The following CLIP4 variants were observed in gnomAD, a reference collection of about 807,000 sequenced individuals.
CLIP4 encodes CAP-Gly domain containing linker protein family member 4, also known as CAP-Gly domain-containing linker protein 4.
In CLIP4, 47 loss-of-function variants were observed where a neutral mutation model predicts 73.1. The observed-to-expected ratio is 0.64, with a 90% CI of 0.51 to 0.82. CLIP4 has a LOEUF of 0.82. CLIP4 is among the 40% of genes least tolerant of loss of function. The pLI is 0.00. For synonymous variants in CLIP4, 306 were observed against 295.4 expected (o/e 1.04, Z -0.37); for missense variants, 874 against 852.9 (o/e 1.02, Z -0.31).
rs140458378 is a variant in CLIP4, at chr2:29,131,383, A to G, written c.259A>G (p.Ile87Val). 293 of 1,598,340 alleles carry G rather than the reference A, an allele frequency of 1.8e-4. No individual in the cohort carries two copies. The highest frequency in any genetic ancestry group is 2.3e-4 in the Non-Finnish European group (276 of 1,175,010). ...TCCTCAGGTCCAACAAAACATTGAC[A>G]TTATTGGAAATGAGGTAAGGAATTC... The part of the protein sequence containing the change: ...WVPQVQQNID[I>V]IGNEILKRGC... Residue 87 changes from isoleucine (I) to valine (V), a missense_variant, in exon 3 of 16, where the codon ATT becomes GTT. Transcript: ENST00000320081.
At chr2:29,126,592 AGG>A (rs1159649663) in intron 2 of CLIP4, among the ~76,000 whole-genome samples, 1 of 152,256 alleles carries the variant, frequency 6.6e-6, no homozygotes, top group African/African-American at 2.4e-5. Context: ...TCTGGAAGGC[AGG>A]GCATTAAGAA....
chr2:29,160,273 C>G, intron 11 of CLIP4, 60 bp from the exon 12 acceptor site: 1 of 1,610,374 alleles, frequency 6.2e-7, no homozygotes, highest in Non-Finnish European at 8.5e-7. Flanking sequence ...GAGTTTTTCT[C>G]CCTTTGTTTT....
chr2:29,158,491 A>G (rs914197543), intron 11 of CLIP4, among the ~76,000 whole-genome samples: 1 of 152,292 alleles, frequency 6.6e-6, no homozygotes, highest in African/African-American at 2.4e-5. Context: ...GAGTTATCAG[A>G]GTGAGAAAGA....
intron 14 of CLIP4, among the ~76,000 whole-genome samples, chr2:29,168,513 T>C (rs144704814): frequency 1.0e-4 from 3 of 28,702 alleles, no homozygotes; most frequent in African/African-American, 1.9e-4. Flanking sequence ...TGGTTTGCCC[T>C]TTTTTTTTTT....
At chr2:29,147,225 AG>A (rs200565651) in intron 8 of CLIP4, among the ~76,000 whole-genome samples, 1,665 of 152,154 alleles carry the variant, frequency 0.011, 26 homozygotes, top group African/African-American at 0.038. Flanking sequence ...CACTTTTTAA[AG>A]TGTTTTGTTG....
intron 14 of CLIP4, chr2:29,167,773 C>A (rs141833077): frequency 3.2e-4 from 114 of 359,894 alleles, no homozygotes; most frequent in African/African-American, 2.1e-3. Context: ...CTTCATATAC[C>A]CCATCCTCAG....
At chr2:29,135,868 A>G (rs1397825436) in intron 6 of CLIP4, among the ~76,000 whole-genome samples, 1 of 152,250 alleles carries the variant, frequency 6.6e-6, no homozygotes, top group East Asian at 1.9e-4. Flanking sequence ...TTTTATATTG[A>G]TAAGTCCCAT....
In CLIP4 at chr2:29,160,433, C is replaced by T. The variant is rs1483845424; in HGVS notation, c.1500C>T (p.Thr500=). The part of the protein sequence containing the change: ...RVLVVGQRLG[T]IRFFGTTNFA... ...TAGTGGTAGGACAGAGACTGGGCACCATTAGGTTCTTTGGGACAACAAACT... is the reference window on the plus strand; with the variant it reads ...TAGTGGTAGGACAGAGACTGGGCACTATTAGGTTCTTTGGGACAACAAACT... The change falls in exon 12 of 16, where the codon ACC becomes ACT. Residue 500 remains threonine, a synonymous_variant. Transcript: ENST00000320081. The T allele has an allele frequency of 1.9e-6, 3 of 1,614,032 alleles. No homozygotes were observed. Among genetic ancestry groups the T allele is most frequent in the East Asian group, 4.5e-5 (2 of 44,894 alleles).
At chr2:29,175,856 G>T (rs1480747707) in intron 15 of CLIP4, among the ~76,000 whole-genome samples, 1 of 152,032 alleles carries the variant, frequency 6.6e-6, no homozygotes, top group Non-Finnish European at 1.5e-5. Flanking sequence ...CCGCCTCCCG[G>T]GTTCACGCCA....
chr2:29,138,615 A>C (rs1339729797), intron 6 of CLIP4, among the ~76,000 whole-genome samples: 1 of 152,136 alleles, frequency 6.6e-6, no homozygotes, highest in Non-Finnish European at 1.5e-5. Context: ...GGACATTTTA[A>C]TGATACTGAT....
chr2:29,179,108 T>G (rs982937418), intron 15 of CLIP4, among the ~76,000 whole-genome samples: 9 of 152,250 alleles, frequency 5.9e-5, no homozygotes, highest in African/African-American at 2.2e-4. Flanking sequence ...TTTTTTCAGT[T>G]TATGCATTAA....
intron 15 of CLIP4, among the ~76,000 whole-genome samples, chr2:29,181,149 A>G (rs1386296539): frequency 1.3e-5 from 2 of 152,190 alleles, no homozygotes; most frequent in Non-Finnish European, 2.9e-5. Context: ...TATGTTACAT[A>G]TAGTATGTAC....
chr2:29,159,514 T>G (rs1188299905), intron 11 of CLIP4, among the ~76,000 whole-genome samples: 2 of 152,080 alleles, frequency 1.3e-5, no homozygotes, highest in African/African-American at 4.8e-5. Context: ...AAAATCACTT[T>G]AGGATAATTA....
chr2:29,145,103 C>T (rs1482844383), intron 7 of CLIP4, 129 bp from the exon 8 acceptor site: 15 of 694,008 alleles, frequency 2.2e-5, no homozygotes, highest in East Asian at 1.1e-4. Flanking sequence ...GTTGAGAGAG[C>T]GAATTTTTAA....
intron 11 of CLIP4, among the ~76,000 whole-genome samples, chr2:29,158,161 C>T (rs955132484): frequency 1.3e-5 from 2 of 152,110 alleles, no homozygotes; most frequent in Non-Finnish European, 2.9e-5. Context: ...AAATTGTTTG[C>T]CTGGAATATT....
intron 11 of CLIP4, among the ~76,000 whole-genome samples, chr2:29,158,122 A>G (rs914354252): frequency 2.0e-5 from 3 of 152,340 alleles, no homozygotes; most frequent in Non-Finnish European, 2.9e-5. Context: ...CTGGGACCCT[A>G]AAAGTAGAGA....
chr2:29,108,577 T>C (rs1320422720), intron 1 of CLIP4, among the ~76,000 whole-genome samples: 1 of 152,244 alleles, frequency 6.6e-6, no homozygotes, highest in African/African-American at 2.4e-5. Flanking sequence ...AAAGTGAAAC[T>C]GCCGATAAGA....
At chr2:29,164,852 C>G (rs545750908) in intron 13 of CLIP4, among the ~76,000 whole-genome samples, 1 of 152,138 alleles carries the variant, frequency 6.6e-6, no homozygotes, top group Non-Finnish European at 1.5e-5. Flanking sequence ...CTATGATATA[C>G]TTGACATAAT....
intron 1 of CLIP4, among the ~76,000 whole-genome samples, chr2:29,108,245 T>A (rs1668287088): frequency 2.0e-5 from 3 of 152,194 alleles, no homozygotes; most frequent in South Asian, 4.1e-4. Flanking sequence ...ATATAACAAT[T>A]ATACCAGCAT....
Sources: gnomAD v4.1 joint callset for allele counts (sites outside exome capture counted in the v4.1 genomes callset) on GRCh38, gnomAD v4.1.1 for gene constraint, MANE v1.5 for transcripts, NCBI Gene and HGNC (gene_info 2026-07-23, HGNC 2026-07-21) for gene names.